CAP2: variants seen among roughly 807,000 people sequenced by gnomAD.
CAP2 encodes the protein adenylyl cyclase-associated protein 2.
Under a neutral mutation model 57.7 loss-of-function variants are expected in CAP2, and 24 were observed. The observed-to-expected ratio is 0.42, with a 90% confidence interval of 0.30 to 0.58. The LOEUF is 0.58. Among genes scored for constraint, CAP2 ranks in the 20% least tolerant of loss-of-function variants. The probability of loss-of-function intolerance (pLI) is 0.22; values close to 1 mark genes in which losing one functional copy is unlikely to be tolerated. For synonymous variants in CAP2, 194 were observed against 207.2 expected (o/e 0.94, Z 0.55); for missense variants, 501 against 590.3 (o/e 0.85, Z 1.57).
At chr6:17,514,432 A>G (rs1762224660) in intron 7 of CAP2, among the ~76,000 whole-genome samples, 1 of 151,698 alleles carries the variant, frequency 6.6e-6, no homozygotes, top group African/African-American at 2.4e-5. Flanking sequence ...AGCTCCCTAC[A>G]TAACATAGAA....
chr6:17,414,120 T>G (rs1759215322), intron 1 of CAP2, among the ~76,000 whole-genome samples: 1 of 152,142 alleles, frequency 6.6e-6, no homozygotes, highest in Non-Finnish European at 1.5e-5. Flanking sequence ...CCAAATATTT[T>G]AAATTTTGAT....
At chr6:17,479,482 AGAG>A (rs1247679003) in intron 4 of CAP2, among the ~76,000 whole-genome samples, 3 of 152,104 alleles carry the variant, frequency 2.0e-5, no homozygotes, top group Non-Finnish European at 4.4e-5. Flanking sequence ...AGAGTGAAGA[AGAG>A]GAGAAGGGAG....
chr6:17,538,107 T>C (rs1299713225), intron 7 of CAP2, among the ~76,000 whole-genome samples: 1 of 151,750 alleles, frequency 6.6e-6, no homozygotes, highest in Admixed American at 6.6e-5. Flanking sequence ...GCCAAGTTTG[T>C]GGTATATGTG....
chr6:17,557,129 CATAAGAG>C lies in CAP2; in HGVS notation c.*690_*696del, dbSNP rs1159339155. 3 of 151,640 alleles carry C rather than the reference CATAAGAG, an allele frequency of 2.0e-5. No homozygotes were observed. The highest frequency in any genetic ancestry group is 4.4e-5 in the Non-Finnish European group (3 of 67,980). 9.4% of individuals were successfully genotyped at this position (151,640 alleles called of 1,614,324 possible). Reference sequence around the variant, plus strand: ...CATTTGAAAACTTGCTTTTCTTCTGCATAAGAGATTCTTATGCCAAAAACATTAAACA... The same window carrying C: ...CATTTGAAAACTTGCTTTTCTTCTGCATTCTTATGCCAAAAACATTAAACA... On this transcript the variant is annotated 3_prime_UTR_variant, in exon 13 of 13. Transcript: ENST00000229922.
chr6:17,416,761 T>G (rs990568558), intron 1 of CAP2, among the ~76,000 whole-genome samples: 1 of 152,174 alleles, frequency 6.6e-6, no homozygotes, highest in African/African-American at 2.4e-5. Context: ...GGTAGAACTA[T>G]TGATTCTTTA....
chr6:17,544,380 G>A (rs1762991373), intron 11 of CAP2, among the ~76,000 whole-genome samples: 1 of 152,092 alleles, frequency 6.6e-6, no homozygotes, highest in Non-Finnish European at 1.5e-5. Flanking sequence ...GAATCAGTGA[G>A]ATCATCAGAA....
chr6:17,475,307 A>G (rs181864526), intron 4 of CAP2, among the ~76,000 whole-genome samples: 143 of 152,296 alleles, frequency 9.4e-4, no homozygotes, highest in African/African-American at 3.2e-3. Context: ...CTTTTACTGA[A>G]AAGGAACTTG....
At chr6:17,524,396 G>A (rs113525928) in intron 7 of CAP2, among the ~76,000 whole-genome samples, 1,942 of 152,198 alleles carry the variant, frequency 0.013, 23 homozygotes, top group Middle Eastern at 0.02. Context: ...TAATGATGCA[G>A]GGAAGGTGAA....
chr6:17,401,178 G>A (rs1298268841), intron 1 of CAP2, among the ~76,000 whole-genome samples: 1 of 152,210 alleles, frequency 6.6e-6, no homozygotes, highest in East Asian at 1.9e-4. Flanking sequence ...GCCTTGGGAG[G>A]TGAATAGGTC....
intron 1 of CAP2, among the ~76,000 whole-genome samples, chr6:17,397,204 C>T (rs553088028): frequency 3.7e-4 from 56 of 152,036 alleles, no homozygotes; most frequent in African/African-American, 1.2e-3. Flanking sequence ...GGATTACAGA[C>T]GCGGGCCACC....
chr6:17,522,927 C>T (rs1000481361), intron 7 of CAP2, among the ~76,000 whole-genome samples: 2 of 152,150 alleles, frequency 1.3e-5, no homozygotes, highest in South Asian at 4.1e-4. Flanking sequence ...CCAGAGTAGC[C>T]GGTACTACAG....
Position 17,507,628 on chromosome 6 carries a change from C to G in CAP2, c.445-13C>G, listed in dbSNP as rs761519773. 2 of 1,516,328 alleles carry G rather than the reference C, an allele frequency of 1.3e-6. No individual in the cohort carries two copies. Among genetic ancestry groups the G allele is most frequent in the Non-Finnish European group, 1.8e-6 (2 of 1,092,134 alleles). The allele number at this position is 1,516,328 out of a possible 1,614,324, so 93.9% of individuals were successfully genotyped here. On this transcript the variant is annotated splice_polypyrimidine_tract_variant and intron_variant, in intron 5 of 12. Transcript: ENST00000229922. ...TTTCCTTCTATGCTTGGGTGACGGTCCTGTTTTCTCAGTCTCCCAAACCTG... is the reference window on the plus strand; with the variant it reads ...TTTCCTTCTATGCTTGGGTGACGGTGCTGTTTTCTCAGTCTCCCAAACCTG...
At chr6:17,552,102 A>C (rs1763184245) in intron 12 of CAP2, among the ~76,000 whole-genome samples, 1 of 152,340 alleles carries the variant, frequency 6.6e-6, no homozygotes, top group Middle Eastern at 3.4e-3. Flanking sequence ...GGAGGCCTAG[A>C]GTAAGGCCCA....
intron 4 of CAP2, among the ~76,000 whole-genome samples, chr6:17,473,214 C>T (rs1761067034): frequency 1.3e-5 from 2 of 152,164 alleles, no homozygotes; most frequent in African/African-American, 2.4e-5. Flanking sequence ...GTTTGATCAA[C>T]TGTTCCATAC....
At chr6:17,401,091 G>A (rs1758802191) in intron 1 of CAP2, among the ~76,000 whole-genome samples, 1 of 152,118 alleles carries the variant, frequency 6.6e-6, no homozygotes, top group Admixed American at 6.5e-5. Flanking sequence ...AAGCTGCTGT[G>A]GTCTGAATGT....
At chr6:17,442,193 G>C (rs1298964700) in intron 3 of CAP2, among the ~76,000 whole-genome samples, 1 of 152,204 alleles carries the variant, frequency 6.6e-6, no homozygotes, top group African/African-American at 2.4e-5. Context: ...CTACTCCTTA[G>C]AGCTCATGAT....
chr6:17,509,075 A>C (rs1163697297), intron 6 of CAP2, among the ~76,000 whole-genome samples: 1 of 152,056 alleles, frequency 6.6e-6, no homozygotes, highest in African/African-American at 2.4e-5. Flanking sequence ...CCTTTATTTT[A>C]CTAATGCAGA....
intron 3 of CAP2, among the ~76,000 whole-genome samples, chr6:17,462,533 A>G (rs1760755382): frequency 6.6e-6 from 1 of 152,026 alleles, no homozygotes; most frequent in Non-Finnish European, 1.5e-5. Context: ...CCCCATACCC[A>G]TTAGCAGTTC....
chr6:17,470,766 AC>A (rs1460925014), intron 4 of CAP2, among the ~76,000 whole-genome samples: 1 of 152,206 alleles, frequency 6.6e-6, no homozygotes, highest in African/African-American at 2.4e-5. Context: ...TGGCCAGTCC[AC>A]CAGAGTGAGT....
Sources: gnomAD v4.1 joint callset for allele counts (sites outside exome capture counted in the v4.1 genomes callset) on GRCh38, gnomAD v4.1.1 for gene constraint, MANE v1.5 for transcripts, NCBI Gene and HGNC (gene_info 2026-07-23, HGNC 2026-07-21) for gene names.